The following ZC4H2 variants were observed in gnomAD, a reference collection of about 807,000 sequenced individuals.
ZC4H2 encodes the protein zinc finger C4H2-type containing, also known as zinc finger C4H2 domain-containing protein.
For synonymous variants in ZC4H2, 84 were observed against 66.3 expected (o/e 1.27, Z -1.30); for missense variants, 137 against 173.9 (o/e 0.79, Z 1.19).
chrX:64,974,456 A>G (rs147446835), intron 1 of ZC4H2, among the ~76,000 whole-genome samples: 82 of 111,945 alleles, frequency 7.3e-4, no homozygotes, highest in African/African-American at 2.6e-3. Context: ...TTCTCATTCA[A>G]GTGGATATCT....
At chrX:65,013,515 T>A (rs1736355780) in intron 1 of ZC4H2, among the ~76,000 whole-genome samples, 1 of 111,559 alleles carries the variant, frequency 9.0e-6, no homozygotes, top group Admixed American at 9.6e-5. Context: ...TTTTTTAGCT[T>A]GCAGGCCTTG....
intron 1 of ZC4H2, among the ~76,000 whole-genome samples, chrX:64,992,546 TC>T (rs1464870960): frequency 2.7e-5 from 3 of 111,535 alleles, no homozygotes; most frequent in African/African-American, 9.8e-5. Flanking sequence ...GCTTCCTTTA[TC>T]CCAAGCATAC....
intron 1 of ZC4H2, among the ~76,000 whole-genome samples, chrX:64,940,276 T>G (rs1295480143): frequency 8.9e-6 from 1 of 111,886 alleles, no homozygotes; most frequent in African/African-American, 3.2e-5. Context: ...AGTAAACTTG[T>G]TTAAGATCCT....
intron 1 of ZC4H2, among the ~76,000 whole-genome samples, chrX:64,953,873 G>A (rs1930997006): frequency 9.0e-6 from 1 of 111,432 alleles, no homozygotes; most frequent in Non-Finnish European, 1.9e-5. Context: ...GCACACGTAT[G>A]TTTATTGTGG....
intron 1 of ZC4H2, among the ~76,000 whole-genome samples, chrX:64,937,726 C>T (rs932011922): frequency 4.5e-5 from 5 of 111,218 alleles, no homozygotes; most frequent in African/African-American, 9.8e-5. Flanking sequence ...AGATGTTCTT[C>T]GAAACCAATG....
At chrX:65,033,970 T>C (rs1932971881) in intron 1 of ZC4H2, among the ~76,000 whole-genome samples, 1 of 109,641 alleles carries the variant, frequency 9.1e-6, no homozygotes, top group East Asian at 2.8e-4. Flanking sequence ...GCACCTGTAG[T>C]CCCAGCTACT....
At chrX:65,020,425 C>T (rs1167893250) in intron 1 of ZC4H2, among the ~76,000 whole-genome samples, 1 of 111,685 alleles carries the variant, frequency 9.0e-6, no homozygotes, top group Non-Finnish European at 1.9e-5. Flanking sequence ...AATTTCATAT[C>T]CAGTCAAACT....
chrX:64,995,546 G>T (rs1371699236), intron 1 of ZC4H2, among the ~76,000 whole-genome samples: 1 of 112,271 alleles, frequency 8.9e-6, no homozygotes, highest in Admixed American at 9.4e-5. Flanking sequence ...TTTGGGTAGA[G>T]ACAGGGTTTC....
At chrX:64,981,210 T>A (rs139772342), upstream of ZC4H2, among the ~76,000 whole-genome samples, 571 of 111,337 alleles carry the variant, frequency 5.1e-3, 2 homozygotes, top group South Asian at 0.016. Context: ...AAAAACAGGG[T>A]CTTGTAAACC....
intron 1 of ZC4H2, among the ~76,000 whole-genome samples, chrX:65,026,736 C>T (rs1204478879): frequency 9.1e-6 from 1 of 110,393 alleles, no homozygotes; most frequent in Non-Finnish European, 1.9e-5. Flanking sequence ...GAATTTAGCA[C>T]AAGGATAGAG....
At chrX:64,961,157 G>T (rs186314746) in intron 1 of ZC4H2, among the ~76,000 whole-genome samples, 1 of 111,175 alleles carries the variant, frequency 9.0e-6, no homozygotes, top group Non-Finnish European at 1.9e-5. Context: ...ATTTATAATT[G>T]TTGCATATTT....
intron 1 of ZC4H2, among the ~76,000 whole-genome samples, chrX:64,997,458 TATC>T (rs1217634356): frequency 8.9e-6 from 1 of 112,634 alleles, no homozygotes; most frequent in Non-Finnish European, 1.9e-5. Flanking sequence ...CAGCCAGTAA[TATC>T]ATATTTTTGG....
chrX:64,940,732 C>T (rs1341066428), intron 1 of ZC4H2, among the ~76,000 whole-genome samples: 1 of 110,655 alleles, frequency 9.0e-6, no homozygotes, highest in Non-Finnish European at 1.9e-5. Flanking sequence ...ATTTCTGAGG[C>T]CTCTGTTCTG....
chrX:64,953,601 G>A (rs1012716348), intron 1 of ZC4H2, among the ~76,000 whole-genome samples: 82 of 112,297 alleles, frequency 7.3e-4, no homozygotes, highest in African/African-American at 2.7e-3. Flanking sequence ...TCAGAGAAAT[G>A]CAAATCAAAA....
intron 1 of ZC4H2, among the ~76,000 whole-genome samples, chrX:65,017,011 T>C (rs1349815467): frequency 8.9e-6 from 1 of 111,995 alleles, no homozygotes; most frequent in Non-Finnish European, 1.9e-5. Flanking sequence ...TCTGATCTGT[T>C]GGTTTGATGT....
At chrX:65,030,266 T>A (rs184251694) in intron 1 of ZC4H2, among the ~76,000 whole-genome samples, 225 of 110,972 alleles carry the variant, frequency 2.0e-3, no homozygotes, top group Middle Eastern at 4.7e-3. Context: ...TACAGCCACA[T>A]GCCACCACAC....
chrX:64,960,469 G>A (rs911084686), intron 1 of ZC4H2, among the ~76,000 whole-genome samples: 4 of 111,333 alleles, frequency 3.6e-5, no homozygotes. Context: ...AGCCCACATG[G>A]ACCTATTTCC....
intron 1 of ZC4H2, among the ~76,000 whole-genome samples, chrX:64,939,884 T>G (rs1019785278): frequency 8.9e-6 from 1 of 111,777 alleles, no homozygotes; most frequent in African/African-American, 3.3e-5. Context: ...ACAGACTTCA[T>G]GTCCAAAACA....
intron 1 of ZC4H2, among the ~76,000 whole-genome samples, chrX:65,005,480 A>G: frequency 1.2e-5 from 1 of 83,519 alleles, no homozygotes; most frequent in South Asian, 3.9e-4. Context: ...AGCAATGGGA[A>G]AAGGATTCGA....
Sources: gnomAD v4.1 joint callset for allele counts (sites outside exome capture counted in the v4.1 genomes callset) on GRCh38, gnomAD v4.1.1 for gene constraint, MANE v1.5 for transcripts, NCBI Gene and HGNC (gene_info 2026-07-23, HGNC 2026-07-21) for gene names.